Variants in GGA1 observed in about 807,000 individuals in gnomAD.
The protein encoded by GGA1 is ADP-ribosylation factor-binding protein GGA1.
GGA1 carries 18 observed loss-of-function variants against 76.9 expected under a neutral mutation model. That is an observed-to-expected ratio of 0.23 (90% CI 0.16 to 0.35). The LOEUF (loss-of-function observed/expected upper bound fraction) is 0.35, where lower values mean the gene tolerates loss of function less well. Ranked by LOEUF, GGA1 falls within the 10% of genes least tolerant of loss-of-function variation. The pLI, the probability that GGA1 is intolerant of heterozygous loss-of-function variation, is 1.00. For missense variants in GGA1, 755 were observed against 859.0 expected (o/e 0.88, Z 1.51); for synonymous variants, 342 against 354.7 (o/e 0.96, Z 0.40).
rs745678687 is a variant in GGA1 at position 37,632,099 on chromosome 22, G to A, written c.1632G>A (p.Val544=). ...GGCGCTCCGACGTGCTGGTGGTGGT[G>A]GTTTCCATGCTGAGCACCGCCCCCC... The part of the protein sequence containing the change: ...LPGRSDVLVV[V]VSMLSTAPQP... The change falls in exon 15 of 17, where the codon GTG becomes GTA. Residue 544 remains valine, a synonymous_variant. Transcript: ENST00000343632. This position sits in a 1 kb window ranked among gnomAD's most constrained non-coding sequence, Gnocchi z 5.1. 5 of 1,613,652 alleles carry A rather than the reference G, an allele frequency of 3.1e-6. No homozygotes were observed. In the Middle Eastern group the frequency reaches 4.9e-4, roughly 159 times the overall value.
intron 1 of GGA1, among the ~76,000 whole-genome samples, chr22:37,613,679 A>G (rs935122869): frequency 4.0e-5 from 6 of 151,386 alleles, no homozygotes; most frequent in Non-Finnish European, 8.8e-5. Context: ...GATTACAGGC[A>G]TGAGCCACCG....
chr22:37,632,783 C>A lies in GGA1; in HGVS notation c.*72C>A. ...CCAGCCTGGAGGGAGGCATTGGTGGCCAAGGACACCCTTTGTTGCCCATGG... is the reference window on the plus strand; with the variant it reads ...CCAGCCTGGAGGGAGGCATTGGTGGACAAGGACACCCTTTGTTGCCCATGG... On this transcript the variant is annotated 3_prime_UTR_variant, in exon 17 of 17. Coordinates refer to ENST00000343632, the MANE Select transcript of GGA1 (RefSeq NM_013365.5). The surrounding 1 kb of genome is among the most constrained non-coding windows in gnomAD (Gnocchi z 5.1). 1.1e-6 allele frequency: 1 copy of A among 890,718 alleles called. No individual in the cohort carries two copies. 55.2% of individuals were successfully genotyped at this position (890,718 alleles called of 1,614,324 possible).
intron 2 of GGA1, among the ~76,000 whole-genome samples, chr22:37,616,197 A>G (rs185778902): frequency 1.3e-5 from 2 of 152,300 alleles, no homozygotes; most frequent in East Asian, 1.9e-4. Context: ...CGGGACCACA[A>G]ACAGCGGTGT....
At chr22:37,616,803 C>A in intron 2 of GGA1, 119 bp from the exon 3 acceptor site, 1 of 1,317,386 alleles carries the variant, frequency 7.6e-7, no homozygotes, top group South Asian at 1.6e-5. Context: ...TGGTGACCCT[C>A]CCCTAGGGCG....
In GGA1 at chr22:37,624,161, A is replaced by C; in HGVS notation, c.832+528A>C. ...TTGGGCTGCGGTCTGGGTACCATCCACTCCCTCATTAAGCAGGAGCCCCAC... is the reference window on the plus strand; with the variant it reads ...TTGGGCTGCGGTCTGGGTACCATCCCCTCCCTCATTAAGCAGGAGCCCCAC... On this transcript the variant is annotated intron_variant, in intron 9 of 16. Coordinates refer to ENST00000343632, the MANE Select transcript of GGA1 (RefSeq NM_013365.5). The surrounding 1 kb of genome is among the most constrained non-coding windows in gnomAD (Gnocchi z 4.3). 1.9e-5 allele frequency: 3 copies of C among 158,508 alleles called. No individual in the cohort carries two copies. Among genetic ancestry groups the C allele is most frequent in the South Asian group, 1.6e-4 (1 of 6,086 alleles). 9.8% of individuals were successfully genotyped at this position (158,508 alleles called of 1,614,324 possible).
chr22:37,624,969 C>T lies in GGA1; in HGVS notation c.833C>T (p.Ala278Val), dbSNP rs865918321. Residue 278 changes from alanine to valine, a missense_variant and splice_region_variant, in exon 10 of 17, where the codon GCG becomes GTG. Transcript: ENST00000343632. The surrounding 1 kb of genome is among the most constrained non-coding windows in gnomAD (Gnocchi z 4.3). ...GCCTCTCCCCTCCTGCCTGTTCCAG[C>T]GGAGATCCTGCAGGCCAATGACAAC... ...SDTEDNDEAL[A>V]EILQANDNLT... The T allele has an allele frequency of 6.3e-7, 1 of 1,582,024 alleles. No homozygotes were observed. Among genetic ancestry groups the T allele is most frequent in the Non-Finnish European group, 8.6e-7 (1 of 1,164,022 alleles).
At chr22:37,618,915 C>G (rs1190508668) in intron 4 of GGA1, among the ~76,000 whole-genome samples, 1 of 152,200 alleles carries the variant, frequency 6.6e-6, no homozygotes, top group East Asian at 1.9e-4. Context: ...CCTACCTGGT[C>G]TCTGGCAGGT....
Position 37,633,116 on chromosome 22 carries a change from T to G in GGA1, c.*405T>G. ...TATGCCTTATGGGAAGGCCCAGCCATAACTCGGGGGCCATGCTGGAGCTGG... is the reference window on the plus strand; with the variant it reads ...TATGCCTTATGGGAAGGCCCAGCCAGAACTCGGGGGCCATGCTGGAGCTGG... On this transcript the variant is annotated 3_prime_UTR_variant, in exon 17 of 17. Coordinates refer to ENST00000343632, the MANE Select transcript of GGA1 (RefSeq NM_013365.5). 1 of 180,430 alleles carries G rather than the reference T, an allele frequency of 5.5e-6. No individual in the cohort carries two copies. Among genetic ancestry groups the G allele is most frequent in the African/African-American group, 2.3e-5 (1 of 42,672 alleles). 11.2% of individuals were successfully genotyped at this position (180,430 alleles called of 1,614,324 possible).
At chr22:37,611,772 T>C (rs1601494256) in intron 1 of GGA1, among the ~76,000 whole-genome samples, 1 of 152,178 alleles carries the variant, frequency 6.6e-6, no homozygotes, top group Admixed American at 6.5e-5. Flanking sequence ...GAAGGGGTGG[T>C]CCTTAGAGGT....
rs1930257989 is a variant in GGA1 at position 37,623,505 on chromosome 22, C to T, written c.750+38C>T. ...CCCTGCCTACCCCACTCCCTGCCCACTCCACAGCCCACGCGGACCCTGACC... is the reference window on the plus strand; with the variant it reads ...CCCTGCCTACCCCACTCCCTGCCCATTCCACAGCCCACGCGGACCCTGACC... On this transcript the variant is annotated intron_variant, in intron 8 of 16. Coordinates refer to ENST00000343632, the MANE Select transcript of GGA1 (RefSeq NM_013365.5). This position sits in a 1 kb window ranked among gnomAD's most constrained non-coding sequence, Gnocchi z 4.6. 1.2e-6 allele frequency: 2 copies of T among 1,613,044 alleles called. No homozygotes were observed. The highest frequency in any genetic ancestry group is 1.7e-6 in the Non-Finnish European group (2 of 1,179,394).
intron 2 of GGA1, 129 bp from the exon 3 acceptor site, chr22:37,616,793 T>C: frequency 8.6e-7 from 1 of 1,156,674 alleles, no homozygotes; most frequent in Non-Finnish European, 1.2e-6. Context: ...CGGGCTGGGG[T>C]GGTGACCCTC....
chr22:37,632,342 TG>T lies in GGA1; in HGVS notation c.1699-61del. The T allele has an allele frequency of 4.3e-6, 6 of 1,393,790 alleles. No individual in the cohort carries two copies. Among genetic ancestry groups the T allele is most frequent in the Non-Finnish European group, 6.1e-6 (6 of 981,130 alleles). The allele number at this position is 1,393,790 out of a possible 1,614,324, so 86.3% of individuals were successfully genotyped here. A position where few individuals can be genotyped will look rare whatever the true frequency, so the allele number is the denominator to read the frequency against. ...CGGAGGGGAGCTGGCAGGCTGGGCC[TG>T]GTTCCTCAGAGCAGGACAAGCAGCC... On this transcript the variant is annotated intron_variant, in intron 15 of 16. Coordinates refer to ENST00000343632, the MANE Select transcript of GGA1 (RefSeq NM_013365.5). This position sits in a 1 kb window ranked among gnomAD's most constrained non-coding sequence, Gnocchi z 5.1.
Position 37,625,225 on chromosome 22 carries a change from TG to T in GGA1, c.940+154del. On this transcript the variant is annotated intron_variant, in intron 10 of 16. Coordinates refer to ENST00000343632, the MANE Select transcript of GGA1 (RefSeq NM_013365.5). The surrounding 1 kb of genome is among the most constrained non-coding windows in gnomAD (Gnocchi z 4.1). ...ATGGGGAAGGCCCCAGGGAGGGAGCTGGGGGTGAAGTCTGTGCCAAGCCTGC... is the reference window on the plus strand; with the variant it reads ...ATGGGGAAGGCCCCAGGGAGGGAGCTGGGGTGAAGTCTGTGCCAAGCCTGC... The T allele has an allele frequency of 1.4e-6, 1 of 696,980 alleles. No individual in the cohort carries two copies. Among genetic ancestry groups the T allele is most frequent in the Non-Finnish European group, 2.4e-6 (1 of 413,970 alleles). 43.2% of individuals were successfully genotyped at this position (696,980 alleles called of 1,614,324 possible). A position where few individuals can be genotyped will look rare whatever the true frequency, so the allele number is the denominator to read the frequency against.
chr22:37,619,211 G>A (rs1929386229), intron 4 of GGA1, among the ~76,000 whole-genome samples: 1 of 151,976 alleles, frequency 6.6e-6, no homozygotes, highest in Non-Finnish European at 1.5e-5. Flanking sequence ...GATTGCAGGT[G>A]CACGCCACCA....
rs895510018 is a variant in GGA1 at position 37,631,874 on chromosome 22, G to A, written c.1529-122G>A. 7 of 761,916 alleles carry A rather than the reference G, an allele frequency of 9.2e-6. No homozygotes were observed. In the African/African-American group the frequency reaches 1.2e-4, roughly 13 times the overall value. The allele number at this position is 761,916 out of a possible 1,614,324, so 47.2% of individuals were successfully genotyped here. ...CCAGGGTCCAGGTAAGGCCCCAAAG[G>A]AGGACTTTGCTCTTGTTGCCAGTAC... On this transcript the variant is annotated intron_variant, in intron 14 of 16. Transcript: ENST00000343632.
chr22:37,617,069 T>C, intron 3 of GGA1, 72 bp downstream of exon 3: 1 of 1,552,952 alleles, frequency 6.4e-7, no homozygotes, highest in East Asian at 2.4e-5. Flanking sequence ...ACTGAGGTTC[T>C]TGGGGTCCAT....
intron 4 of GGA1, chr22:37,619,733 G>A: frequency 1.3e-6 from 1 of 768,332 alleles, no homozygotes; most frequent in Admixed American, 1.7e-5. Context: ...GCCCTTCCTT[G>A]CTCAGACCCA....
chr22:37,632,078 C>T lies in GGA1; in HGVS notation c.1611C>T (p.Arg537=), dbSNP rs1369682651. ...FHFARDPLPG[R]SDVLVVVVSM... is the part of the protein sequence containing the mutation. ...TTGCCCGGGACCCACTGCCAGGGCG[C>T]TCCGACGTGCTGGTGGTGGTGGTTT... The change falls in exon 15 of 17, where the codon CGC becomes CGT. Residue 537 remains arginine, a synonymous_variant. Coordinates refer to ENST00000343632, the MANE Select transcript of GGA1 (RefSeq NM_013365.5). This position sits in a 1 kb window ranked among gnomAD's most constrained non-coding sequence, Gnocchi z 5.1. 9.3e-6 allele frequency: 15 copies of T among 1,613,642 alleles called. No homozygotes were observed. The highest frequency in any genetic ancestry group is 1.3e-5 in the Non-Finnish European group (15 of 1,179,930).
In GGA1 at chr22:37,614,211, A is replaced by G. The variant is rs748475787; in HGVS notation, c.65A>G (p.Asn22Ser). Reference protein sequence around the residue: ...ARINRATNPLNKELDWASING... With the variant: ...ARINRATNPLSKELDWASING... ...CCAGATAGAGCCACGAACCCCCTGA[A>G]CAAGGAGCTCGACTGGGCCAGCATC... Residue 22 changes from asparagine (N) to serine (S), a missense_variant, in exon 2 of 17, where the codon AAC becomes AGC. Physicochemically the swap from Asn to Ser is conservative, Grantham distance 46 (BLOSUM62 1). Coordinates refer to ENST00000343632, the MANE Select transcript of GGA1 (RefSeq NM_013365.5). 3 of 1,613,646 alleles carry G rather than the reference A, an allele frequency of 1.9e-6. No individual in the cohort carries two copies. Among genetic ancestry groups the G allele is most frequent in the Non-Finnish European group, 2.5e-6 (3 of 1,179,726 alleles).
Sources: gnomAD v4.1 joint callset for allele counts (sites outside exome capture counted in the v4.1 genomes callset) on GRCh38, gnomAD v4.1.1 for gene constraint, Gnocchi (gnomAD v3.1) non-coding constraint, MANE v1.5 for transcripts, NCBI Gene and HGNC (gene_info 2026-07-23, HGNC 2026-07-21) for gene names.